The following CFAP65 variants were observed in gnomAD, a reference collection of about 807,000 sequenced individuals.
CFAP65 encodes cilia- and flagella-associated protein 65.
A neutral mutation model predicts 208.0 loss-of-function variants in CFAP65; 155 were observed. The observed-to-expected ratio is 0.75, with a 90% CI of 0.65 to 0.85. The LOEUF is 0.85. CFAP65 is among the 40% of genes least tolerant of loss of function. The pLI, the probability that CFAP65 is intolerant of heterozygous loss-of-function variation, is 0.00. For missense variants in CFAP65, 2,294 were observed against 2,451.3 expected, an observed-to-expected ratio of 0.94 and a Z score of 1.36; for synonymous variants, 970 against 986.3, an observed-to-expected ratio of 0.98 and a Z score of 0.31.
chr2:219,013,892 T>C lies in CFAP65; in HGVS notation c.3755A>G (p.Glu1252Gly), dbSNP rs1946659714. Reference protein sequence around the residue: ...PKAGSLSPGQEQMVELKYSHL... With the variant: ...PKAGSLSPGQGQMVELKYSHL... ...CCTGTATTTTAACTCCACCATCTGCTCCTGCCCAGGACTCAGGCTCCCAGC... is the reference window on the plus strand; with the variant it reads ...CCTGTATTTTAACTCCACCATCTGCCCCTGCCCAGGACTCAGGCTCCCAGC... Residue 1252 changes from glutamate to glycine, a missense_variant, in exon 22 of 35, where the codon GAG (glutamate) becomes GGG (glycine). By Grantham distance (98) the Glu-to-Gly change is moderately conservative. Coordinates refer to ENST00000341552, the MANE Select transcript of CFAP65 (RefSeq NM_194302.4). The C allele has an allele frequency of 1.2e-6, 2 of 1,609,898 alleles. No homozygotes were observed. Among genetic ancestry groups the C allele is most frequent in the African/African-American group, 2.7e-5 (2 of 74,718 alleles).
intron 24 of CFAP65, among the ~76,000 whole-genome samples, chr2:219,011,270 CTT>C (rs528817484): frequency 3.2e-4 from 34 of 107,092 alleles, no homozygotes; most frequent in African/African-American, 1.0e-3. Context: ...CTTTTTCTTT[CTT>C]TTTTTTTTTT....
At chr2:219,022,108 C>T in intron 17 of CFAP65, 63 bp downstream of exon 17, 4 of 1,514,484 alleles carry the variant, frequency 2.6e-6, no homozygotes, top group Non-Finnish European at 3.5e-6. Flanking sequence ...TTCCCTGGGG[C>T]CTTCCCTCCC....
chr2:219,033,833 AT>A (rs1385042649), intron 5 of CFAP65: 4 of 152,176 alleles, frequency 2.6e-5, no homozygotes, highest in African/African-American at 9.7e-5. Context: ...AGAAAAAAAA[AT>A]GTCATTTTCC....
rs1574643602 is a variant in CFAP65 at position 219,032,508 on chromosome 2, T to G, written c.607A>C (p.Thr203Pro). Residue 203 changes from threonine to proline, a missense_variant, in exon 6 of 35, where the codon ACC becomes CCC. Physicochemically the swap from Thr to Pro is conservative, Grantham distance 38 (BLOSUM62 -1). Coordinates refer to ENST00000341552, the MANE Select transcript of CFAP65 (RefSeq NM_194302.4). The surrounding 1 kb of genome is among the most constrained non-coding windows in gnomAD (Gnocchi z 5.5). ...PQPIFLSPGI[T>P]LTLPIVFRPL... Reference sequence around the variant, plus strand: ...CGGAAGACGATGGGGAGCGTGAGGGTTATGCCTGGGCTCAGGAAGATGGGC... The same window carrying G: ...CGGAAGACGATGGGGAGCGTGAGGGGTATGCCTGGGCTCAGGAAGATGGGC... The G allele has an allele frequency of 6.2e-7, 1 of 1,605,562 alleles. No homozygotes were observed. The highest frequency in any genetic ancestry group is 1.7e-5 in the Admixed American group (1 of 58,892).
intron 12 of CFAP65, 69 bp from the exon 13 acceptor site, chr2:219,028,078 AC>A (rs1947767223): frequency 6.5e-7 from 1 of 1,533,212 alleles, no homozygotes; most frequent in African/African-American, 1.4e-5. Context: ...TCCTGGGTAC[AC>A]TCCTGTCTAG....
At chr2:219,041,345 C>T (rs1574673074) in intron 1 of CFAP65, 143 bp downstream of exon 1, 1 of 775,314 alleles carries the variant, frequency 1.3e-6, no homozygotes, top group Non-Finnish European at 2.2e-6. Context: ...AGACTCAGTC[C>T]CATGGGGCTC....
At chr2:219,022,131 C>T in intron 17 of CFAP65, 40 bp downstream of exon 17, 1 of 1,529,592 alleles carries the variant, frequency 6.5e-7, no homozygotes, top group Non-Finnish European at 8.8e-7. Context: ...CTGTCCGGGC[C>T]TCTCCCCCAG....
chr2:219,021,305 T>C, intron 18 of CFAP65, 25 bp from the exon 19 acceptor site: 1 of 1,542,038 alleles, frequency 6.5e-7, no homozygotes, highest in Non-Finnish European at 8.8e-7. Flanking sequence ...TGCCGGAGGG[T>C]CAGTGGGTAG....
chr2:219,019,677 A>G lies in CFAP65; in HGVS notation c.3302T>C (p.Leu1101Pro). The change falls in exon 20 of 35, where the codon CTG becomes CCG. Residue 1101 changes from leucine (L) to proline (P), a missense_variant. Around this residue, in one of 2 missense-constraint regions of CFAP65, gnomAD observed 1,427 missense variants for 1,438.7 expected, o/e 0.99. Coordinates refer to ENST00000341552, the MANE Select transcript of CFAP65 (RefSeq NM_194302.4). The part of the protein sequence containing the change: ...GEKQELCCVS[L>P]VAVYPLLSIL... Reference sequence around the variant, plus strand: ...GGAAAGCAAGGGGTACACGGCCACCAGGGAGACGCAGCACAGCTCCTGCTT... The same window carrying G: ...GGAAAGCAAGGGGTACACGGCCACCGGGGAGACGCAGCACAGCTCCTGCTT... 6.2e-7 allele frequency: 1 copy of G among 1,613,580 alleles called. No individual in the cohort carries two copies. The highest frequency in any genetic ancestry group is 1.7e-5 in the Admixed American group (1 of 60,026).
chr2:219,038,278 T>A, intron 4 of CFAP65, 97 bp downstream of exon 4: 1 of 1,126,790 alleles, frequency 8.9e-7, no homozygotes, highest in Non-Finnish European at 1.3e-6. Flanking sequence ...GAGGGAAGAG[T>A]CAGGGCCTCT....
Position 219,023,265 on chromosome 2 carries a change from T to C in CFAP65, c.2762A>G (p.His921Arg). The C allele has an allele frequency of 6.2e-7, 1 of 1,613,144 alleles. No homozygotes were observed. The highest frequency in any genetic ancestry group is 8.5e-7 in the Non-Finnish European group (1 of 1,179,926). ...LQFEWRVSEQHRKLLAVQPSR... is the reference protein window; with the variant it reads ...LQFEWRVSEQRRKLLAVQPSR... ...GGGCTGGACAGCCAGCAGCTTTCGA[T>C]GCTGCTCAGAGACCCTCCACTCGAA... The change falls in exon 16 of 35, where the codon CAT becomes CGT. Residue 921 changes from histidine (H) to arginine (R), a missense_variant. Around this residue, in one of 2 missense-constraint regions of CFAP65, gnomAD observed 1,427 missense variants for 1,438.7 expected, o/e 0.99. Coordinates refer to ENST00000341552, the MANE Select transcript of CFAP65 (RefSeq NM_194302.4).
chr2:219,003,993 C>T lies in CFAP65; in HGVS notation c.5514G>A (p.Val1838=). 6.2e-7 allele frequency: 1 copy of T among 1,614,010 alleles called. No individual in the cohort carries two copies. Among genetic ancestry groups the T allele is most frequent in the African/African-American group, 1.3e-5 (1 of 75,042 alleles). Residue 1838 remains valine (V), a synonymous_variant, in exon 33 of 35, where the codon GTG becomes GTA. Transcript: ENST00000341552. The surrounding 1 kb of genome is among the most constrained non-coding windows in gnomAD (Gnocchi z 4.4). The stretch of plus-strand genomic sequence containing the variant: ...TCTCGTCCTGTTCTTGCTCCTCCTT[C>T]ACCATGACATTCAGCTGCTGTTGCC... ...WQWQQQLNVM[V]KEEQEQDEKE... is the part of the protein sequence containing the mutation.
intron 14 of CFAP65, among the ~76,000 whole-genome samples, chr2:219,025,558 T>C (rs1947573730): frequency 2.0e-5 from 3 of 152,100 alleles, no homozygotes; most frequent in Non-Finnish European, 1.5e-5. Flanking sequence ...TCTAAGGGCC[T>C]TGGGGTGGCC....
In CFAP65 at chr2:219,029,476, G is replaced by C. The variant is rs1414968105; in HGVS notation, c.1577C>G (p.Thr526Ser). 3 of 1,613,998 alleles carry C rather than the reference G, an allele frequency of 1.9e-6. No homozygotes were observed. The highest frequency in any genetic ancestry group is 2.5e-6 in the Non-Finnish European group (3 of 1,180,014). ...AGTGGGCTGGAAGGCACAGTGCAGGGTCATACGGGCCTTGCCCACCAGCGT... is the reference window on the plus strand; with the variant it reads ...AGTGGGCTGGAAGGCACAGTGCAGGCTCATACGGGCCTTGCCCACCAGCGT... ...FGTLVGKARMTLHCAFQPTHP... is the reference protein window; with the variant it reads ...FGTLVGKARMSLHCAFQPTHP... The change falls in exon 11 of 35, where the codon ACC (threonine) becomes AGC (serine). Residue 526 changes from threonine to serine, a missense_variant. Thr to Ser is a moderately conservative substitution (Grantham distance 58). Transcript: ENST00000341552.
intron 1 of CFAP65, among the ~76,000 whole-genome samples, chr2:219,040,821 C>G (rs973339275): frequency 6.6e-6 from 1 of 152,216 alleles, no homozygotes; most frequent in Non-Finnish European, 1.5e-5. Flanking sequence ...ACGCTGGGTG[C>G]CAGCATCTTC....
In CFAP65 at chr2:219,019,093, A is replaced by G. The variant is rs756350636; in HGVS notation, c.3560T>C (p.Val1187Ala). ...AAPFKAPPSVVFLALKNSGVV... is the reference protein window; with the variant it reads ...AAPFKAPPSVAFLALKNSGVV... ...TCCGCTGTTCTTCAGGGCCAGGAAT[A>G]CCACGGAAGGTGGGGCCTTGAATGG... The change falls in exon 21 of 35, where the codon GTA (valine) becomes GCA (alanine). Residue 1187 changes from valine (V) to alanine (A), a missense_variant. Val to Ala is a moderately conservative substitution (Grantham distance 64, BLOSUM62 0). This residue lies in a region of CFAP65 where 1,427 missense variants were observed against 1,438.7 expected (regional missense o/e 0.99). Transcript: ENST00000341552. 2.5e-6 allele frequency: 4 copies of G among 1,614,078 alleles called. No individual in the cohort carries two copies. The highest frequency in any genetic ancestry group is 3.4e-6 in the Non-Finnish European group (4 of 1,180,036).
At chr2:219,019,233 C>A in intron 20 of CFAP65, 54 bp from the exon 21 acceptor site, 2 of 1,549,984 alleles carry the variant, frequency 1.3e-6, no homozygotes, top group South Asian at 2.5e-5. Flanking sequence ...AGGGCAGGGC[C>A]CTCCCAGGGA....
In CFAP65 at chr2:219,013,907, A is replaced by G; in HGVS notation, c.3740T>C (p.Leu1247Pro). 3.1e-6 allele frequency: 5 copies of G among 1,613,226 alleles called. No individual in the cohort carries two copies. The highest frequency in any genetic ancestry group is 4.2e-6 in the Non-Finnish European group (5 of 1,179,604). Residue 1247 changes from leucine to proline, a missense_variant, in exon 22 of 35, where the codon CTG becomes CCG. This residue lies in a region of CFAP65 where 1,427 missense variants were observed against 1,438.7 expected (regional missense o/e 0.99). Transcript: ENST00000341552. ...LFSISPKAGSLSPGQEQMVEL... is the reference protein window; with the variant it reads ...LFSISPKAGSPSPGQEQMVEL... ...CACCATCTGCTCCTGCCCAGGACTCAGGCTCCCAGCCTTGGGGCTGATGGA... is the reference window on the plus strand; with the variant it reads ...CACCATCTGCTCCTGCCCAGGACTCGGGCTCCCAGCCTTGGGGCTGATGGA...
At position 219,028,320 on chromosome 2, in the gene CFAP65, A is replaced by AG; in HGVS notation, c.1731dup (p.Trp578LeufsTer16). The AG allele has an allele frequency of 6.2e-7, 1 of 1,614,024 alleles. No homozygotes were observed. The highest frequency in any genetic ancestry group is 2.2e-5 in the East Asian group (1 of 44,866). On this transcript the variant is annotated frameshift_variant, in exon 12 of 35. Coordinates refer to ENST00000341552, the MANE Select transcript of CFAP65 (RefSeq NM_194302.4). LOFTEE classifies it high-confidence loss of function. Reference sequence around the variant, plus strand: ...CCCCGGGCCAGGTGTGTGCGGTACCAGGTGAGGTGCTGAGGCTTCAGGATG... The same window carrying AG: ...CCCCGGGCCAGGTGTGTGCGGTACCAGGGTGAGGTGCTGAGGCTTCAGGATG...
Sources: gnomAD v4.1 joint callset for allele counts (sites outside exome capture counted in the v4.1 genomes callset) on GRCh38, gnomAD v4.1.1 for gene constraint, gnomAD v4.1.1 regional missense constraint, Gnocchi (gnomAD v3.1) non-coding constraint, MANE v1.5 for transcripts, NCBI Gene and HGNC (gene_info 2026-07-23, HGNC 2026-07-21) for gene names.